Variants in CNGB3 observed in about 807,000 individuals in gnomAD.
CNGB3 encodes the protein cyclic nucleotide gated channel subunit beta 3, also known as cyclic nucleotide-gated channel beta-3.
A neutral mutation model predicts 92.8 loss-of-function variants in CNGB3; 86 were observed. The observed-to-expected ratio is 0.93, with a 90% CI of 0.78 to 1.11. The LOEUF is 1.11. Ranked by LOEUF, CNGB3 falls within the 50% of genes least tolerant of loss-of-function variation. CNGB3 has a pLI of 0.00. For synonymous variants in CNGB3, 333 were observed against 332.7 expected, an observed-to-expected ratio of 1.00 and a Z score of -0.01; for missense variants, 1,026 against 956.8, an observed-to-expected ratio of 1.07 and a Z score of -0.95.
At chr8:86,668,633 C>T (rs1823796179) in intron 4 of CNGB3, among the ~76,000 whole-genome samples, 1 of 136,896 alleles carries the variant, frequency 7.3e-6, no homozygotes, top group Admixed American at 7.3e-5. Context: ...AAAAATACGT[C>T]AATGTAAAAA....
intron 15 of CNGB3, among the ~76,000 whole-genome samples, chr8:86,585,984 T>C (rs1468572244): frequency 6.6e-6 from 1 of 152,188 alleles, no homozygotes; most frequent in African/African-American, 2.4e-5. Flanking sequence ...AAATAATCTG[T>C]TTTAAACATT....
intron 3 of CNGB3, among the ~76,000 whole-genome samples, chr8:86,722,989 A>C (rs1336121383): frequency 6.6e-6 from 1 of 152,052 alleles, no homozygotes; most frequent in Non-Finnish European, 1.5e-5. Context: ...TTATTTCCCT[A>C]TATATGCATA....
At chr8:86,578,914 CA>C (rs1563712467) in intron 16 of CNGB3, 51 bp from the exon 17 acceptor site, 1 of 1,609,520 alleles carries the variant, frequency 6.2e-7, no homozygotes, top group East Asian at 2.2e-5. Context: ...AGAGTTCTGG[CA>C]AAATCTACTA....
At chr8:86,721,914 A>G (rs900756955) in intron 3 of CNGB3, among the ~76,000 whole-genome samples, 16 of 152,186 alleles carry the variant, frequency 1.1e-4, no homozygotes, top group African/African-American at 3.9e-4. Flanking sequence ...TGGTGATAAG[A>G]TTCTGAATTC....
rs150149878 is a variant in CNGB3, at chr8:86,575,537, G to T, written c.*267C>A. Reference sequence around the variant, plus strand: ...GAGACATCATCAGGAAAGAACCAAAGGAAAAGGAAACTTACTACATACAAT... The same window carrying T: ...GAGACATCATCAGGAAAGAACCAAATGAAAAGGAAACTTACTACATACAAT... On this transcript the variant is annotated 3_prime_UTR_variant, in exon 18 of 18. Coordinates refer to ENST00000320005, the MANE Select transcript of CNGB3 (RefSeq NM_019098.5). 4.8e-4 allele frequency: 165 copies of T among 346,580 alleles called. 1 individual carries two copies. The highest frequency in any genetic ancestry group is 3.0e-3 in the African/African-American group (143 of 47,236). 21.5% of individuals were successfully genotyped at this position (346,580 alleles called of 1,614,324 possible).
intron 10 of CNGB3, among the ~76,000 whole-genome samples, chr8:86,639,677 T>C (rs1325811732): frequency 6.6e-6 from 1 of 151,934 alleles, no homozygotes; most frequent in Non-Finnish European, 1.5e-5. Context: ...CATGAAGCAA[T>C]AGAAGGAGAA....
intron 13 of CNGB3, among the ~76,000 whole-genome samples, chr8:86,620,501 A>C (rs1386793462): frequency 6.6e-6 from 1 of 152,156 alleles, no homozygotes; most frequent in Non-Finnish European, 1.5e-5. Context: ...GTCAAATTGA[A>C]TTAGGACCCA....
chr8:86,587,874 G>A (rs1429348048), intron 15 of CNGB3, among the ~76,000 whole-genome samples: 1 of 152,172 alleles, frequency 6.6e-6, no homozygotes, highest in Non-Finnish European at 1.5e-5. Flanking sequence ...ATTCTGTGAT[G>A]AAACGCATTG....
chr8:86,646,214 GCCTGA>G (rs1262229262), intron 8 of CNGB3, among the ~76,000 whole-genome samples: 1 of 151,066 alleles, frequency 6.6e-6, no homozygotes, highest in Admixed American at 6.6e-5. Flanking sequence ...ATAAGGGATG[GCCTGA>G]CCACTAGATT....
chr8:86,741,908 A>T (rs1476537905), intron 1 of CNGB3, among the ~76,000 whole-genome samples: 4 of 152,178 alleles, frequency 2.6e-5, no homozygotes, highest in Admixed American at 2.0e-4. Flanking sequence ...TAAAGGGTTG[A>T]CTCAACTAAT....
chr8:86,678,996 A>T (rs1030389981), intron 3 of CNGB3, among the ~76,000 whole-genome samples: 1 of 152,170 alleles, frequency 6.6e-6, no homozygotes, highest in African/African-American at 2.4e-5. Context: ...GTAGAAAATT[A>T]ACAAGTAGGG....
chr8:86,673,299 A>G (rs979918584), intron 3 of CNGB3, among the ~76,000 whole-genome samples: 1 of 152,238 alleles, frequency 6.6e-6, no homozygotes, highest in Non-Finnish European at 1.5e-5. Flanking sequence ...AGGGACCAGC[A>G]TATCTTTGAC....
chr8:86,605,893 T>C lies in CNGB3; in HGVS notation c.1663-1682A>G, dbSNP rs532520020. 6.8e-4 allele frequency among the ~76,000 whole-genome samples: 103 copies of C among 152,292 alleles called. 1 individual carries two copies. The highest frequency in any genetic ancestry group is 2.5e-3 in the African/African-American group (103 of 41,560). On this transcript the variant is annotated intron_variant, in intron 14 of 17. Transcript: ENST00000320005. ...ATCAGACTCCACCTTTTAGTTAACA[T>C]CCAGGAAGCTGAAATTCTTATTTTA... is the stretch of plus-strand genomic sequence containing the variant.
chr8:86,647,440 C>T (rs894224617), intron 8 of CNGB3, among the ~76,000 whole-genome samples: 4 of 150,068 alleles, frequency 2.7e-5, no homozygotes, highest in Non-Finnish European at 6.0e-5. Flanking sequence ...TTTTACATCC[C>T]ATACACCATG....
intron 14 of CNGB3, among the ~76,000 whole-genome samples, chr8:86,611,066 G>A (rs1822509452): frequency 6.6e-6 from 1 of 152,102 alleles, no homozygotes; most frequent in African/African-American, 2.4e-5. Context: ...AATATATGAA[G>A]AGTGGTTATT....
chr8:86,679,299 G>T (rs964409032), intron 3 of CNGB3, among the ~76,000 whole-genome samples: 1 of 151,922 alleles, frequency 6.6e-6, no homozygotes, highest in African/African-American at 2.4e-5. Flanking sequence ...TTCCTTATTA[G>T]TTTGTTTATT....
At chr8:86,677,768 G>T (rs1029170456) in intron 3 of CNGB3, among the ~76,000 whole-genome samples, 1 of 152,152 alleles carries the variant, frequency 6.6e-6, no homozygotes, top group Non-Finnish European at 1.5e-5. Context: ...GCAAGTAAGA[G>T]TTCACTGGTC....
At chr8:86,602,932 G>T (rs1214065153) in intron 15 of CNGB3, among the ~76,000 whole-genome samples, 1 of 152,026 alleles carries the variant, frequency 6.6e-6, no homozygotes, top group Non-Finnish European at 1.5e-5. Flanking sequence ...TCACCTATTT[G>T]GCTTCATCTC....
chr8:86,576,716 G>A (rs1172483629), intron 17 of CNGB3, among the ~76,000 whole-genome samples: 3 of 152,120 alleles, frequency 2.0e-5, no homozygotes, highest in Admixed American at 6.5e-5. Flanking sequence ...GCTCTTTACT[G>A]GTAATGCTTG....
Sources: allele counts gnomAD v4.1 joint callset (sites outside exome capture counted in the v4.1 genomes callset), GRCh38; gene constraint gnomAD v4.1.1; transcripts MANE v1.5; gene names NCBI Gene and HGNC (gene_info 2026-07-23, HGNC 2026-07-21).